The following SFRP1 variants were observed in gnomAD, a reference collection of about 807,000 sequenced individuals.
SFRP1 encodes secreted frizzled related protein 1, also known as secreted frizzled-related protein 1.
In SFRP1, 9 loss-of-function variants were observed where a neutral mutation model predicts 25.9. The ratio of observed to expected loss-of-function variants is 0.35; its 90% CI spans 0.21 to 0.61. SFRP1 has a LOEUF of 0.61. Ranked by LOEUF, SFRP1 falls within the 20% of genes least tolerant of loss-of-function variation. SFRP1 has a pLI of 0.78. For missense variants in SFRP1, 346 were observed against 418.2 expected (o/e 0.83, Z 1.51); for synonymous variants, 178 against 174.0 (o/e 1.02, Z -0.18).
chr8:41,285,672 C>T (rs1448150997), intron 2 of SFRP1, among the ~76,000 whole-genome samples: 1 of 152,178 alleles, frequency 6.6e-6, no homozygotes, highest in African/African-American at 2.4e-5. Flanking sequence ...GTGGCCCAGC[C>T]CCCCAACCCT....
chr8:41,265,425 C>G lies in SFRP1; in HGVS notation c.687G>C (p.Lys229Asn), dbSNP rs1474369734. 7 of 1,612,428 alleles carry G rather than the reference C, an allele frequency of 4.3e-6. No individual in the cohort carries two copies. Among genetic ancestry groups the G allele is most frequent in the Non-Finnish European group, 5.9e-6 (7 of 1,179,762 alleles). The stretch of plus-strand genomic sequence containing the variant: ...TGGGCCCCAACTTCAGGGGCTTCTT[C>G]TTCTTGGGGACAATCTTCTTGTCGC... ...ENGDKKIVPK[K>N]KKPLKLGPIK... The change falls in exon 3 of 3, where the codon AAG becomes AAC. Residue 229 changes from lysine to asparagine, a missense_variant. Coordinates refer to ENST00000220772, the MANE Select transcript of SFRP1 (RefSeq NM_003012.5).
intron 2 of SFRP1, chr8:41,276,991 C>A: frequency 2.2e-6 from 1 of 456,356 alleles, no homozygotes; most frequent in South Asian, 1.5e-5. Context: ...CATCCAGAAT[C>A]CTGCTGCTAA....
chr8:41,271,147 A>G (rs985125783), intron 2 of SFRP1: 2 of 154,156 alleles, frequency 1.3e-5, no homozygotes, highest in African/African-American at 4.8e-5. Flanking sequence ...AATAGTTCAA[A>G]AGAAAAGACA....
chr8:41,306,809 G>A (rs757369797), intron 1 of SFRP1: 17 of 1,598,132 alleles, frequency 1.1e-5, no homozygotes, highest in Admixed American at 1.7e-5. Flanking sequence ...TGCAGCCAAG[G>A]GGCAAAAGGT....
intron 1 of SFRP1, chr8:41,307,021 G>A (rs1804007033): frequency 1.4e-6 from 2 of 1,443,016 alleles, no homozygotes; most frequent in African/African-American, 1.4e-5. Flanking sequence ...ACCATCGGAA[G>A]CCATTGGGAA....
At chr8:41,308,243 T>C (rs1804022663) in intron 1 of SFRP1, among the ~76,000 whole-genome samples, 1 of 152,128 alleles carries the variant, frequency 6.6e-6, no homozygotes, top group Non-Finnish European at 1.5e-5. Context: ...GGACTCGGAG[T>C]CCTCCTAGAG....
chr8:41,299,881 A>G (rs569648653), intron 2 of SFRP1, among the ~76,000 whole-genome samples: 11 of 152,040 alleles, frequency 7.2e-5, no homozygotes, highest in Non-Finnish European at 1.3e-4. Context: ...TTGTTTTGTC[A>G]GTAGTACAAA....
At chr8:41,278,877 G>A (rs1056425400) in intron 2 of SFRP1, among the ~76,000 whole-genome samples, 1 of 152,132 alleles carries the variant, frequency 6.6e-6, no homozygotes, top group East Asian at 1.9e-4. Flanking sequence ...CTGCAAAATC[G>A]CAGCAGTTGC....
chr8:41,280,106 T>G (rs1474902247), intron 2 of SFRP1, among the ~76,000 whole-genome samples: 3 of 152,078 alleles, frequency 2.0e-5, no homozygotes, highest in African/African-American at 7.3e-5. Context: ...TTCCCCGGCA[T>G]AAGATGGGCA....
At chr8:41,305,128 G>A (rs902152759) in intron 1 of SFRP1, among the ~76,000 whole-genome samples, 1 of 152,228 alleles carries the variant, frequency 6.6e-6, no homozygotes, top group Admixed American at 6.5e-5. Flanking sequence ...TGCACAAGGA[G>A]AGTGAACTGT....
chr8:41,277,117 G>A (rs1344934777), intron 2 of SFRP1: 4 of 439,982 alleles, frequency 9.1e-6, no homozygotes, highest in South Asian at 3.3e-5. Context: ...GGGAAGCCAC[G>A]CATCTTGGGG....
At chr8:41,281,156 T>A (rs1392264118) in intron 2 of SFRP1, among the ~76,000 whole-genome samples, 1 of 152,172 alleles carries the variant, frequency 6.6e-6, no homozygotes, top group Non-Finnish European at 1.5e-5. Flanking sequence ...CCTACCTCGT[T>A]CATGGCCTTC....
intron 2 of SFRP1, among the ~76,000 whole-genome samples, chr8:41,296,690 G>C (rs187580908): frequency 6.6e-6 from 1 of 152,160 alleles, no homozygotes; most frequent in African/African-American, 2.4e-5. Context: ...CAGAGATATC[G>C]CTGGAGAAAA....
At chr8:41,287,308 G>A (rs1290399316) in intron 2 of SFRP1, among the ~76,000 whole-genome samples, 1 of 152,254 alleles carries the variant, frequency 6.6e-6, no homozygotes, top group Admixed American at 6.5e-5. Context: ...TGACAGGCGT[G>A]CCAGCTTGTT....
rs138952930 is a variant in SFRP1, at chr8:41,295,402, G to A, written c.622+8059C>T. On this transcript the variant is annotated intron_variant, in intron 2 of 2. Transcript: ENST00000220772. ...AAATTAGCCGAGCATGGTGGTGGGCGCCTGTAATCCCAGGTACTCGGGAGG... is the reference window on the plus strand; with the variant it reads ...AAATTAGCCGAGCATGGTGGTGGGCACCTGTAATCCCAGGTACTCGGGAGG... Among the ~76,000 whole-genome samples the A allele has an allele frequency of 5.3e-3, 812 of 152,066 alleles. 1 individual carries two copies. The highest frequency in any genetic ancestry group is 0.014 in the Middle Eastern group (4 of 294).
intron 2 of SFRP1, among the ~76,000 whole-genome samples, chr8:41,269,712 T>C (rs1238955324): frequency 1.3e-5 from 2 of 152,084 alleles, no homozygotes; most frequent in Non-Finnish European, 1.5e-5. Context: ...AAGGCAACCA[T>C]TGGCCCAGAG....
chr8:41,270,495 GC>G (rs969861172), intron 2 of SFRP1, among the ~76,000 whole-genome samples: 25 of 152,188 alleles, frequency 1.6e-4, no homozygotes, highest in African/African-American at 5.8e-4. Flanking sequence ...TAAAAAACAA[GC>G]CCATTTGCAC....
At chr8:41,277,504 G>A (rs907866918) in intron 2 of SFRP1, among the ~76,000 whole-genome samples, 3 of 152,248 alleles carry the variant, frequency 2.0e-5, no homozygotes, top group Non-Finnish European at 4.4e-5. Context: ...TCTGAGAGAT[G>A]CTAGAGTGAG....
At chr8:41,292,505 A>C (rs1184252603) in intron 2 of SFRP1, among the ~76,000 whole-genome samples, 1 of 152,170 alleles carries the variant, frequency 6.6e-6, no homozygotes, top group East Asian at 1.9e-4. Context: ...AAGTTTCCTG[A>C]GATCTCCCCA....
Sources: allele counts gnomAD v4.1 joint callset (sites outside exome capture counted in the v4.1 genomes callset), GRCh38; gene constraint gnomAD v4.1.1; transcripts MANE v1.5; gene names NCBI Gene and HGNC (gene_info 2026-07-23, HGNC 2026-07-21).